The following DPP4 variants were observed in gnomAD, a reference collection of about 807,000 sequenced individuals.
DPP4 encodes dipeptidyl peptidase 4, also known as ADCP-2.
Under a neutral mutation model 122.4 loss-of-function variants are expected in DPP4, and 93 were observed. The observed-to-expected ratio is 0.76, with a 90% CI of 0.64 to 0.90. DPP4 has a LOEUF of 0.90. Ranked by LOEUF, DPP4 falls within the 40% of genes least tolerant of loss-of-function variation. The pLI is 0.00. For missense variants in DPP4, 914 were observed against 907.3 expected, an observed-to-expected ratio of 1.01 and a Z score of -0.09; for synonymous variants, 321 against 302.9, an observed-to-expected ratio of 1.06 and a Z score of -0.62.
chr2:162,067,568 C>G (rs552791239), intron 2 of DPP4, among the ~76,000 whole-genome samples: 1 of 152,100 alleles, frequency 6.6e-6, no homozygotes, highest in African/African-American at 2.4e-5. Flanking sequence ...CATTAATGCC[C>G]CCAGTTAAAG....
chr2:162,073,548 G>C (rs1186929608), intron 1 of DPP4, 62 bp from the exon 2 acceptor site: 9 of 1,534,530 alleles, frequency 5.9e-6, no homozygotes, highest in Non-Finnish European at 6.3e-6. Context: ...TTCCGTAGGA[G>C]GGTCGGGGCT....
intron 2 of DPP4, among the ~76,000 whole-genome samples, chr2:162,063,989 G>A (rs965009974): frequency 6.6e-6 from 1 of 152,128 alleles, no homozygotes; most frequent in African/African-American, 2.4e-5. Flanking sequence ...CAAACAAAGG[G>A]CCTGGTCTTG....
intron 10 of DPP4, among the ~76,000 whole-genome samples, chr2:162,030,532 T>A (rs1388271050): frequency 2.6e-5 from 4 of 152,194 alleles, no homozygotes; most frequent in Non-Finnish European, 5.9e-5. Context: ...CTCCAGGAAC[T>A]AGTAAATCAC....
At chr2:162,025,362 C>G (rs923878570) in intron 10 of DPP4, among the ~76,000 whole-genome samples, 1 of 152,100 alleles carries the variant, frequency 6.6e-6, no homozygotes, top group African/African-American at 2.4e-5. Context: ...ACATGCTTCT[C>G]CAGAAAATTC....
At chr2:162,057,356 A>G (rs746471379) in intron 2 of DPP4, among the ~76,000 whole-genome samples, 5 of 152,200 alleles carry the variant, frequency 3.3e-5, no homozygotes, top group African/African-American at 4.8e-5. Flanking sequence ...CTCCAAATAT[A>G]CATACCCTTC....
chr2:162,020,913 A>G (rs1484311563), intron 12 of DPP4, among the ~76,000 whole-genome samples: 1 of 152,224 alleles, frequency 6.6e-6, no homozygotes, highest in African/African-American at 2.4e-5. Flanking sequence ...GAGAGAATGT[A>G]TATAAAGAGG....
chr2:162,034,504 C>G (rs1683694468), intron 9 of DPP4, among the ~76,000 whole-genome samples: 1 of 152,190 alleles, frequency 6.6e-6, no homozygotes, highest in South Asian at 2.1e-4. Flanking sequence ...AAACACTTTA[C>G]TATTAGATTC....
intron 18 of DPP4, among the ~76,000 whole-genome samples, chr2:162,015,599 CAG>C (rs921122635): frequency 6.6e-6 from 1 of 152,120 alleles, no homozygotes; most frequent in African/African-American, 2.4e-5. Flanking sequence ...TTTCTATTCA[CAG>C]AGTCCCACCT....
chr2:162,052,433 C>T (rs1416817543), intron 2 of DPP4, among the ~76,000 whole-genome samples: 1 of 151,866 alleles, frequency 6.6e-6, no homozygotes, highest in African/African-American at 2.4e-5. Context: ...AGAGACAATG[C>T]CTTCGATGGG....
intron 19 of DPP4, 31 bp from the exon 20 acceptor site, chr2:162,012,018 T>C (rs199937068): frequency 1.3e-5 from 20 of 1,597,736 alleles, no homozygotes; most frequent in East Asian, 8.9e-5. Flanking sequence ...TTAGCTTTCA[T>C]GGTTTTCTGG....
chr2:162,054,644 T>A (rs984835940), intron 2 of DPP4, among the ~76,000 whole-genome samples: 8 of 152,138 alleles, frequency 5.3e-5, no homozygotes, highest in African/African-American at 1.9e-4. Context: ...CTAAGCCTTT[T>A]TGTCTTTCTA....
intron 2 of DPP4, among the ~76,000 whole-genome samples, chr2:162,062,459 T>C (rs771831140): frequency 8.5e-5 from 13 of 152,178 alleles, no homozygotes; most frequent in Non-Finnish European, 1.9e-4. Context: ...GTTCAAAGTA[T>C]TGTGAGGTTA....
chr2:162,032,812 G>A (rs1683603337), intron 10 of DPP4, among the ~76,000 whole-genome samples: 2 of 152,126 alleles, frequency 1.3e-5, no homozygotes, highest in Non-Finnish European at 2.9e-5. Context: ...TCCTTTACAG[G>A]AAAATAAACA....
Position 161,993,302 on chromosome 2 carries a change from T to C in DPP4, c.2282A>G (p.Gln761Arg), listed in dbSNP as rs145873093. ...IYTHMSHFIK[Q>R]CFSLP ...GAGGTGCTAAGGTAAAGAGAAACAT[T>C]GTTTTATGAAGTGGCTCATGTGGGT... The change falls in exon 26 of 26, where the codon CAA becomes CGA. Residue 761 changes from glutamine to arginine, a missense_variant. Physicochemically the swap from Gln to Arg is conservative, Grantham distance 43. Transcript: ENST00000360534. 1 of 1,612,910 alleles carries C rather than the reference T, an allele frequency of 6.2e-7. No homozygotes were observed. Among genetic ancestry groups the C allele is most frequent in the African/African-American group, 1.3e-5 (1 of 75,006 alleles).
At chr2:162,015,120 G>A (rs540125874) in intron 18 of DPP4, among the ~76,000 whole-genome samples, 12 of 152,140 alleles carry the variant, frequency 7.9e-5, no homozygotes, top group South Asian at 2.1e-4. Flanking sequence ...AGTTTCCTTC[G>A]TTCCCAAATA....
At chr2:162,005,002 T>A (rs1178486991) in intron 23 of DPP4, among the ~76,000 whole-genome samples, 3 of 152,180 alleles carry the variant, frequency 2.0e-5, no homozygotes, top group African/African-American at 7.2e-5. Flanking sequence ...TCAGCAAAGT[T>A]TTGGAATGAT....
In DPP4 at chr2:162,046,993, G is replaced by A; in HGVS notation, c.207C>T (p.Leu69=). Residue 69 remains leucine (L), a synonymous_variant, in exon 4 of 26, where the codon CTC becomes CTT. Coordinates refer to ENST00000360534, the MANE Select transcript of DPP4 (RefSeq NM_001935.4). The stretch of plus-strand genomic sequence containing the variant: ...CCAAGATATTATTTTCTTGTTTGTA[G>A]AGATATTCATGATCTAAAGAGAGAA... ...SLRWISDHEY[L]YKQENNILVF... is the part of the protein sequence containing the mutation. 1 of 1,578,554 alleles carries A rather than the reference G, an allele frequency of 6.3e-7. No individual in the cohort carries two copies. The highest frequency in any genetic ancestry group is 2.2e-5 in the East Asian group (1 of 44,620).
Position 162,008,608 on chromosome 2 carries a change from G to A in DPP4, c.1941C>T (p.Phe647=), listed in dbSNP as rs1162016552. 6.2e-7 allele frequency: 1 copy of A among 1,613,454 alleles called. No individual in the cohort carries two copies. The highest frequency in any genetic ancestry group is 8.5e-7 in the Non-Finnish European group (1 of 1,179,688). Residue 647 remains phenylalanine, a synonymous_variant, in exon 22 of 26, where the codon TTC becomes TTT. Transcript: ENST00000360534. ...CAGGCGCCACGGCTATTCCACACTT[G>A]AACACGCCACTTCCCGATCCCAGGA... The part of the protein sequence containing the change: ...SMVLGSGSGV[F]KCGIAVAPVS...
intron 23 of DPP4, among the ~76,000 whole-genome samples, 189 bp from the exon 24 acceptor site, chr2:161,995,561 C>T (rs1476105366): frequency 2.0e-5 from 3 of 152,166 alleles, no homozygotes; most frequent in Non-Finnish European, 4.4e-5. Context: ...GCCTGGGAGA[C>T]AGGACTGGAA....
Sources: gnomAD v4.1 joint callset for allele counts (sites outside exome capture counted in the v4.1 genomes callset) on GRCh38, gnomAD v4.1.1 for gene constraint, MANE v1.5 for transcripts, NCBI Gene and HGNC (gene_info 2026-07-23, HGNC 2026-07-21) for gene names.